The following C2orf92 variants were observed in gnomAD, a reference collection of about 807,000 sequenced individuals.
C2orf92 encodes uncharacterized protein C2orf92.
rs1346693144 is a variant in C2orf92 at position 97,701,149 on chromosome 2, T to C, written c.515-5T>C. 1 of 398,844 alleles carries C rather than the reference T, an allele frequency of 2.5e-6. No individual in the cohort carries two copies. Among genetic ancestry groups the C allele is most frequent in the East Asian group, 3.6e-5 (1 of 28,090 alleles). The allele number at this position is 398,844 out of a possible 1,614,324, so 24.7% of individuals were successfully genotyped here. A position where few individuals can be genotyped will look rare whatever the true frequency, so the allele number is the denominator to read the frequency against. ...GTTCACTCTGCGCTGTGTCTTCTCA[T>C]TTAGATGCTCACTTTAGGACTATGC... On this transcript the variant is annotated splice_polypyrimidine_tract_variant and splice_region_variant and intron_variant, in intron 6 of 7. Transcript: ENST00000627399.
At chr2:97,701,744 G>T (rs1324049384) in intron 7 of C2orf92, among the ~76,000 whole-genome samples, 1 of 152,238 alleles carries the variant, frequency 6.6e-6, no homozygotes, top group Non-Finnish European at 1.5e-5. Context: ...TGTCCTGCTT[G>T]TTAGAATACT....
chr2:97,670,571 G>C (rs556194758), intron 1 of C2orf92: 2 of 151,624 alleles, frequency 1.3e-5, no homozygotes, highest in South Asian at 4.2e-4. Flanking sequence ...TCTATTTATT[G>C]TTATTATTTT....
chr2:97,701,618 G>A (rs1676500003), intron 7 of C2orf92, among the ~76,000 whole-genome samples: 2 of 152,216 alleles, frequency 1.3e-5, no homozygotes, highest in Admixed American at 1.3e-4. Flanking sequence ...TTGGTAAATA[G>A]GAATATGGAT....
chr2:97,675,203 A>G (rs1298572962), intron 2 of C2orf92, among the ~76,000 whole-genome samples: 1 of 152,270 alleles, frequency 6.6e-6, no homozygotes, highest in Non-Finnish European at 1.5e-5. Context: ...AAGAAAAGTA[A>G]CAATGAGTAA....
rs369277192 is a variant in C2orf92, at chr2:97,676,365, C to T, written c.232+437C>T. Among the ~76,000 whole-genome samples, 19 of 135,108 alleles carry T rather than the reference C, an allele frequency of 1.4e-4. 1 individual carries two copies. The highest frequency in any genetic ancestry group is 3.4e-4 in the African/African-American group (12 of 35,638). 88.6% of individuals were successfully genotyped at this position (135,108 alleles called of 152,430 possible). A position where few individuals can be genotyped will look rare whatever the true frequency, so the allele number is the denominator to read the frequency against. Reference sequence around the variant, plus strand: ...AGGATAATTGCTTGAACCCGGGAGGCGGAGCTTGCAGTGAGCCGAGATCAT... The same window carrying T: ...AGGATAATTGCTTGAACCCGGGAGGTGGAGCTTGCAGTGAGCCGAGATCAT... On this transcript the variant is annotated intron_variant, in intron 3 of 7. Transcript: ENST00000627399.
At chr2:97,676,999 A>G (rs1675605819) in intron 3 of C2orf92, among the ~76,000 whole-genome samples, 2 of 152,212 alleles carry the variant, frequency 1.3e-5, no homozygotes, top group Non-Finnish European at 1.5e-5. Context: ...ACAACAACTG[A>G]GCTGGCAAGA....
chr2:97,679,850 A>G (rs1398057014), intron 3 of C2orf92, among the ~76,000 whole-genome samples: 1 of 151,176 alleles, frequency 6.6e-6, no homozygotes, highest in African/African-American at 2.4e-5. Context: ...AAAAAAAAAA[A>G]AAAGAAAAAA....
chr2:97,670,062 G>C, intron 1 of C2orf92: 1 of 382,130 alleles, frequency 2.6e-6, no homozygotes, highest in Non-Finnish European at 4.6e-6. Context: ...CTATAGGAGG[G>C]TGGCATACAT....
At chr2:97,694,569 C>CT (rs1303041710) in intron 5 of C2orf92, 4 of 151,972 alleles carry the variant, frequency 2.6e-5, no homozygotes, top group Non-Finnish European at 4.4e-5. Context: ...CCAGAATGTC[C>CT]TTTCTTTTCG....
intron 3 of C2orf92, among the ~76,000 whole-genome samples, chr2:97,686,859 TA>T (rs930508547): frequency 6.6e-6 from 1 of 151,146 alleles, no homozygotes; most frequent in Non-Finnish European, 1.5e-5. Context: ...TACTAAAAAT[TA>T]AAAAAAAATT....
At chr2:97,679,968 C>T (rs777329647) in intron 3 of C2orf92, among the ~76,000 whole-genome samples, 171 of 151,886 alleles carry the variant, frequency 1.1e-3, no homozygotes, top group Middle Eastern at 3.4e-3. Flanking sequence ...AAACACAAAC[C>T]CCTAAATGAC....
At chr2:97,665,760 TATA>T (rs1675209568), upstream of C2orf92, 1 of 139,138 alleles carries the variant, frequency 7.2e-6, no homozygotes, top group African/African-American at 2.7e-5. Context: ...TATATATATA[TATA>T]TATATATATA....
chr2:97,673,988 C>T (rs567387556), intron 1 of C2orf92, among the ~76,000 whole-genome samples: 49 of 152,252 alleles, frequency 3.2e-4, no homozygotes, highest in Admixed American at 3.0e-3. Flanking sequence ...GTTGCTGTAC[C>T]GGTTAAGAAT....
At chr2:97,665,367 A>G (rs1440996865), upstream of C2orf92, among the ~76,000 whole-genome samples, 1 of 152,192 alleles carries the variant, frequency 6.6e-6, no homozygotes, top group East Asian at 1.9e-4. Flanking sequence ...AAGAAACAAT[A>G]TTGTTGCTGG....
chr2:97,683,539 A>T (rs1432981894), intron 3 of C2orf92, among the ~76,000 whole-genome samples: 2 of 36,688 alleles, frequency 5.5e-5, no homozygotes, highest in African/African-American at 5.9e-5. Flanking sequence ...GGTATCTATT[A>T]AAAAAAAAAA....
chr2:97,691,853 A>AC (rs1245842227), intron 5 of C2orf92, among the ~76,000 whole-genome samples: 16 of 152,120 alleles, frequency 1.1e-4, no homozygotes, highest in Admixed American at 1.0e-3. Context: ...GCGCCACTGC[A>AC]CTCCAGCCTG....
At chr2:97,673,145 A>G (rs551118781) in intron 1 of C2orf92, among the ~76,000 whole-genome samples, 2 of 152,290 alleles carry the variant, frequency 1.3e-5, no homozygotes, top group South Asian at 4.1e-4. Context: ...TTTTGTGGGT[A>G]CAATTTTCAT....
upstream of C2orf92, chr2:97,669,578 G>A (rs1675341484): frequency 2.6e-6 from 1 of 384,634 alleles, no homozygotes; most frequent in Non-Finnish European, 4.6e-6. Context: ...TGAGCAGAGA[G>A]GCAGTCACTT....
At chr2:97,664,702 T>G (rs1019840580) in intron 1 of C2orf92, 3 of 152,132 alleles carry the variant, frequency 2.0e-5, no homozygotes, top group African/African-American at 7.2e-5. Context: ...ATAAACCTCA[T>G]TGGCCACCAT....
Sources: gnomAD v4.1 joint callset for allele counts (sites outside exome capture counted in the v4.1 genomes callset) on GRCh38, gnomAD v4.1.1 for gene constraint, MANE v1.5 for transcripts, NCBI Gene and HGNC (gene_info 2026-07-23, HGNC 2026-07-21) for gene names.